Variants in FBXL20 observed in about 807,000 individuals in gnomAD.
FBXL20 encodes the protein F-box and leucine rich repeat protein 20, also known as F-box/LRR-repeat protein 20.
FBXL20 carries 11 observed loss-of-function variants against 64.0 expected under a neutral mutation model. The ratio of observed to expected loss-of-function variants is 0.17; its 90% confidence interval spans 0.11 to 0.28. FBXL20 has a LOEUF of 0.28. Among genes scored for constraint, FBXL20 ranks in the 10% least tolerant of loss-of-function variants. The pLI is 1.00. For synonymous variants in FBXL20, 184 were observed against 189.0 expected (o/e 0.97, Z 0.22); for missense variants, 303 against 526.2 (o/e 0.58, Z 4.15).
intron 1 of FBXL20, among the ~76,000 whole-genome samples, chr17:39,379,177 C>G (rs1478575207): frequency 6.7e-6 from 1 of 149,846 alleles, no homozygotes; most frequent in Non-Finnish European, 1.5e-5. Flanking sequence ...GGTGAGCCGA[C>G]TCCAGCCTGG....
chr17:39,351,339 CAAA>C (rs375439559), intron 1 of FBXL20, among the ~76,000 whole-genome samples: 9 of 95,720 alleles, frequency 9.4e-5, no homozygotes, highest in Admixed American at 1.1e-4. Context: ...TCTGTCTCAC[CAAA>C]AAAAAAAAAA....
At chr17:39,402,248 T>G, upstream of FBXL20, 1 of 1,198,432 alleles carries the variant, frequency 8.3e-7, no homozygotes, top group Non-Finnish European at 1.0e-6. Context: ...TGTGTCTAGA[T>G]TGGGGCAGTG....
intron 6 of FBXL20, among the ~76,000 whole-genome samples, chr17:39,286,500 C>T (rs1368453124): frequency 1.3e-5 from 2 of 152,136 alleles, no homozygotes; most frequent in African/African-American, 4.8e-5. Flanking sequence ...CAAGTGTGAG[C>T]CACTGTGCCT....
chr17:39,367,747 T>C (rs2047874921), intron 1 of FBXL20, among the ~76,000 whole-genome samples: 1 of 151,870 alleles, frequency 6.6e-6, no homozygotes, highest in African/African-American at 2.4e-5. Flanking sequence ...TTTCTATTTA[T>C]TGAAAGATTA....
intron 1 of FBXL20, among the ~76,000 whole-genome samples, chr17:39,385,313 T>A (rs554824267): frequency 1.1e-3 from 150 of 136,322 alleles, no homozygotes; most frequent in Middle Eastern, 3.6e-3. Context: ...TGAGACCCTG[T>A]CTCTAGAAAA....
chr17:39,316,335 G>C (rs1018305564), intron 2 of FBXL20, among the ~76,000 whole-genome samples: 2 of 151,596 alleles, frequency 1.3e-5, no homozygotes, highest in African/African-American at 4.9e-5. Context: ...TTCCCCCCGA[G>C]CTCTGTCTAC....
Position 39,257,415 on chromosome 17 carries a change from A to G in FBXL20, c.*4045T>C, listed in dbSNP as rs1392183809. ...AAGGGATATGTGAAACTTCTGACTT[A>G]CATGTCTGCTAAATCAACTTAATGA... On this transcript the variant is annotated 3_prime_UTR_variant, in exon 15 of 15. Transcript: ENST00000264658. 2.0e-5 allele frequency: 3 copies of G among 152,382 alleles called. No homozygotes were observed. In the East Asian group the frequency reaches 5.8e-4, roughly 29 times the overall value. 9.4% of individuals were successfully genotyped at this position (152,382 alleles called of 1,614,324 possible).
chr17:39,387,142 G>C (rs2048089086), intron 1 of FBXL20, among the ~76,000 whole-genome samples: 1 of 152,100 alleles, frequency 6.6e-6, no homozygotes, highest in Non-Finnish European at 1.5e-5. Flanking sequence ...AGTTACATGT[G>C]ATATTTAACA....
chr17:39,339,484 G>A lies in FBXL20; in HGVS notation c.104+3696C>T, dbSNP rs147222096. Among the ~76,000 whole-genome samples the A allele has an allele frequency of 3.6e-3, 544 of 152,200 alleles. 1 individual carries two copies. The highest frequency in any genetic ancestry group is 6.0e-3 in the Non-Finnish European group (409 of 68,002). ...TTTTCTGTATTCAGCAGGAAATCCT[G>A]CTGTATTTCCTGCTTCCCTGTTGAA... On this transcript the variant is annotated intron_variant, in intron 2 of 14. Coordinates refer to ENST00000264658, the MANE Select transcript of FBXL20 (RefSeq NM_032875.3).
chr17:39,402,162 CT>C, upstream of FBXL20: 1 of 1,232,860 alleles, frequency 8.1e-7, no homozygotes, highest in Non-Finnish European at 1.0e-6. Flanking sequence ...CTCCCTTCCC[CT>C]GTCACTCACT....
At chr17:39,274,843 A>G in intron 10 of FBXL20, 127 bp downstream of exon 10, 1 of 1,212,548 alleles carries the variant, frequency 8.2e-7, no homozygotes, top group Admixed American at 2.5e-5. Flanking sequence ...GGCATCTAAA[A>G]GGGACTACCT....
At chr17:39,284,565 G>A (rs2046973367) in intron 7 of FBXL20, among the ~76,000 whole-genome samples, 1 of 151,886 alleles carries the variant, frequency 6.6e-6, no homozygotes, top group South Asian at 2.1e-4. Context: ...ATTTTTTTTA[G>A]TAGAGACAGG....
intron 9 of FBXL20, among the ~76,000 whole-genome samples, chr17:39,277,739 A>G (rs1401726848): frequency 7.0e-6 from 1 of 142,910 alleles, no homozygotes; most frequent in Admixed American, 7.3e-5. Flanking sequence ...GGGCAACAAG[A>G]GCAAAACTCC....
At chr17:39,378,388 T>C (rs2047990131) in intron 1 of FBXL20, among the ~76,000 whole-genome samples, 1 of 152,126 alleles carries the variant, frequency 6.6e-6, no homozygotes, top group Non-Finnish European at 1.5e-5. Context: ...GCAGGAAGAT[T>C]GAGCATAGAA....
chr17:39,315,393 T>TTTTATA (rs147050998), intron 2 of FBXL20, among the ~76,000 whole-genome samples: 11 of 134,556 alleles, frequency 8.2e-5, no homozygotes, highest in African/African-American at 2.7e-4. Context: ...TTTAAATAAT[T>TTTTATA]TATATATATA....
intron 2 of FBXL20, among the ~76,000 whole-genome samples, chr17:39,320,995 CTAAGTTCTTTTTT>C (rs1176875344): frequency 1.1e-4 from 16 of 152,072 alleles, no homozygotes; most frequent in African/African-American, 3.6e-4. Flanking sequence ...ATTGCATTTG[CTAAGTTCTTTTTT>C]TGTTTTTTTC....
intron 6 of FBXL20, among the ~76,000 whole-genome samples, chr17:39,290,192 A>G (rs1217134025): frequency 6.6e-6 from 1 of 151,824 alleles, no homozygotes; most frequent in Non-Finnish European, 1.5e-5. Context: ...ACTATAAATG[A>G]TGTATCTTAA....
At chr17:39,330,343 G>T (rs1359908486) in intron 2 of FBXL20, among the ~76,000 whole-genome samples, 2 of 151,864 alleles carry the variant, frequency 1.3e-5, no homozygotes, top group Admixed American at 6.6e-5. Context: ...GCCAGGTGCA[G>T]TGGCTCATGC....
chr17:39,385,379 A>C (rs889779395), intron 1 of FBXL20, among the ~76,000 whole-genome samples: 1 of 152,194 alleles, frequency 6.6e-6, no homozygotes, highest in Non-Finnish European at 1.5e-5. Flanking sequence ...GGGGAGAAGA[A>C]AGACTTACTT....
Sources: gnomAD v4.1 joint callset for allele counts (sites outside exome capture counted in the v4.1 genomes callset) on GRCh38, gnomAD v4.1.1 for gene constraint, MANE v1.5 for transcripts, NCBI Gene and HGNC (gene_info 2026-07-23, HGNC 2026-07-21) for gene names.